Variants in NDST4 observed in about 807,000 individuals in gnomAD.
NDST4 encodes N-deacetylase and N-sulfotransferase 4.
Under a neutral mutation model 100.8 loss-of-function variants are expected in NDST4, and 63 were observed. The observed-to-expected ratio is 0.62, with a 90% CI of 0.51 to 0.77. The LOEUF (loss-of-function observed/expected upper bound fraction) is 0.77, where lower values mean the gene tolerates loss of function less well. NDST4 is among the 30% of genes least tolerant of loss of function. The probability of loss-of-function intolerance (pLI) is 0.00; values close to 1 mark genes in which losing one functional copy is unlikely to be tolerated. For synonymous variants in NDST4, 377 were observed against 361.8 expected (o/e 1.04, Z -0.48); for missense variants, 943 against 1,018.4 (o/e 0.93, Z 1.01).
chr4:114,937,805 G>C (rs1274821871), intron 4 of NDST4, among the ~76,000 whole-genome samples: 1 of 151,700 alleles, frequency 6.6e-6, no homozygotes, highest in East Asian at 1.9e-4. Context: ...ATAAATGTGG[G>C]GGGCGGGGAA....
chr4:115,104,765 G>GA (rs572225778), intron 1 of NDST4, among the ~76,000 whole-genome samples: 2 of 152,066 alleles, frequency 1.3e-5, no homozygotes, highest in Non-Finnish European at 2.9e-5. Context: ...AGAGACAGTA[G>GA]AAAAAGGTGA....
rs1251798537 is a variant in NDST4, at chr4:115,051,555, G to A, written c.978+24504C>T. 3.3e-5 allele frequency among the ~76,000 whole-genome samples: 5 copies of A among 152,120 alleles called. No homozygotes were observed. In the East Asian group the frequency reaches 9.6e-4, roughly 29 times the overall value. ...TTGGCTTATTTCACTTAGCATAATA[G>A]CCTCTAGTTCCATCCATGTGGCTGC... On this transcript the variant is annotated intron_variant, in intron 2 of 13. Coordinates refer to ENST00000264363, the MANE Select transcript of NDST4 (RefSeq NM_022569.3).
intron 6 of NDST4, among the ~76,000 whole-genome samples, chr4:114,908,614 T>A (rs1725000974): frequency 6.6e-6 from 1 of 152,176 alleles, no homozygotes; most frequent in Non-Finnish European, 1.5e-5. Flanking sequence ...GTGGTTTGAA[T>A]TATGAATTAT....
At chr4:114,882,138 ATT>A (rs35233146) in intron 6 of NDST4, among the ~76,000 whole-genome samples, 19 of 143,942 alleles carry the variant, frequency 1.3e-4, no homozygotes, top group African/African-American at 2.5e-4. Flanking sequence ...ATTTAGAAGG[ATT>A]TTTTTTTTTT....
chr4:114,847,895 G>A (rs72893328), intron 9 of NDST4, among the ~76,000 whole-genome samples: 10,813 of 152,040 alleles, frequency 0.071, 431 homozygotes, highest in African/African-American at 0.1. Context: ...TATGTGTTGA[G>A]AAAAAAATTA....
chr4:114,832,881 C>A (rs1723229597), intron 12 of NDST4, among the ~76,000 whole-genome samples: 1 of 152,182 alleles, frequency 6.6e-6, no homozygotes, highest in African/African-American at 2.4e-5. Context: ...ACCCACTGAT[C>A]TCAGCCTTTG....
Position 115,102,691 on chromosome 4 carries a change from T to A in NDST4, c.-247+10753A>T, listed in dbSNP as rs148357930. On this transcript the variant is annotated intron_variant, in intron 1 of 13. Coordinates refer to ENST00000264363, the MANE Select transcript of NDST4 (RefSeq NM_022569.3). ...CATCAGTGGTCATTTATATACCATA[T>A]ACTTCTGACTTCCTTTTTTTTTTTT... Among the ~76,000 whole-genome samples, 403 of 147,256 alleles carry A rather than the reference T, an allele frequency of 2.7e-3. 3 individuals are homozygous for A. Among genetic ancestry groups the A allele is most frequent in the African/African-American group, 9.1e-3 (366 of 40,066 alleles).
At chr4:114,928,840 A>G (rs1204351977) in intron 6 of NDST4, among the ~76,000 whole-genome samples, 1 of 152,028 alleles carries the variant, frequency 6.6e-6, no homozygotes, top group Admixed American at 6.6e-5. Context: ...TTTGAACTCT[A>G]ACTGTAATCT....
intron 1 of NDST4, among the ~76,000 whole-genome samples, chr4:115,092,743 A>G (rs1402718001): frequency 6.6e-6 from 1 of 152,174 alleles, no homozygotes; most frequent in Non-Finnish European, 1.5e-5. Context: ...CAACATCAAA[A>G]CTAGTAGTGG....
chr4:114,931,402 GA>G (rs908496591), intron 6 of NDST4, among the ~76,000 whole-genome samples: 9 of 140,646 alleles, frequency 6.4e-5, no homozygotes, highest in East Asian at 4.1e-4. Context: ...CTTACATTAA[GA>G]AAAAAAAAGA....
intron 2 of NDST4, among the ~76,000 whole-genome samples, chr4:115,006,069 T>A (rs1173151467): frequency 0.018 from 1,492 of 85,152 alleles, no homozygotes; most frequent in Middle Eastern, 0.042. Context: ...GAAGGAGAGA[T>A]AGAAAAAAGA....
intron 1 of NDST4, among the ~76,000 whole-genome samples, chr4:115,107,301 ACTT>A (rs1167096490): frequency 1.3e-5 from 2 of 152,124 alleles, no homozygotes; most frequent in East Asian, 1.9e-4. Flanking sequence ...TAAAGGTGAG[ACTT>A]CTATTTTCTA....
intron 12 of NDST4, among the ~76,000 whole-genome samples, chr4:114,831,162 C>G (rs1218087247): frequency 6.7e-6 from 1 of 149,474 alleles, no homozygotes; most frequent in Non-Finnish European, 1.5e-5. Context: ...ACGCCATTCT[C>G]CTGCCTCAGC....
At chr4:115,014,519 C>T (rs1727632493) in intron 2 of NDST4, among the ~76,000 whole-genome samples, 1 of 152,022 alleles carries the variant, frequency 6.6e-6, no homozygotes. Context: ...GTGTGTTACT[C>T]CAGCACATTG....
chr4:114,909,960 A>G (rs923229202), intron 6 of NDST4, among the ~76,000 whole-genome samples: 9 of 152,186 alleles, frequency 5.9e-5, no homozygotes, highest in African/African-American at 2.2e-4. Flanking sequence ...ATTTCTGAAC[A>G]GATAATTATT....
At chr4:114,910,769 GA>G (rs1364612841) in intron 6 of NDST4, among the ~76,000 whole-genome samples, 1 of 152,116 alleles carries the variant, frequency 6.6e-6, no homozygotes, top group Non-Finnish European at 1.5e-5. Flanking sequence ...TCTCCAAACT[GA>G]TCATCTCCCA....
At chr4:115,064,282 G>A (rs1011781080) in intron 2 of NDST4, among the ~76,000 whole-genome samples, 5 of 151,878 alleles carry the variant, frequency 3.3e-5, no homozygotes, top group East Asian at 1.9e-4. Flanking sequence ...TTGCAACTCC[G>A]TCCTCAAGAA....
rs183406213 is a variant in NDST4 at position 115,034,315 on chromosome 4, C to T, written c.978+41744G>A. Among the ~76,000 whole-genome samples the T allele has an allele frequency of 1.7e-3, 258 of 152,126 alleles. 1 individual carries two copies. The highest frequency in any genetic ancestry group is 6.0e-3 in the African/African-American group (249 of 41,520). ...CTGCCCTGCTAGCCGATGCCGTGTC[C>T]TCCTTCCTCCTTCCACTTGCTGTAG... On this transcript the variant is annotated intron_variant, in intron 2 of 13. Coordinates refer to ENST00000264363, the MANE Select transcript of NDST4 (RefSeq NM_022569.3).
At chr4:115,089,997 T>C (rs1004313725) in intron 1 of NDST4, among the ~76,000 whole-genome samples, 2 of 151,828 alleles carry the variant, frequency 1.3e-5, no homozygotes, top group African/African-American at 2.4e-5. Flanking sequence ...ACACAAAATT[T>C]GATCTACCAT....
Sources: allele counts gnomAD v4.1 joint callset (sites outside exome capture counted in the v4.1 genomes callset), GRCh38; gene constraint gnomAD v4.1.1; transcripts MANE v1.5; gene names NCBI Gene and HGNC (gene_info 2026-07-23, HGNC 2026-07-21).